The following KHDRBS2 variants were observed in gnomAD, a reference collection of about 807,000 sequenced individuals.
KHDRBS2 encodes the protein KH domain-containing, RNA-binding, signal transduction-associated protein 2.
Under a neutral mutation model 44.3 loss-of-function variants are expected in KHDRBS2, and 26 were observed. That is an observed-to-expected ratio of 0.59 (90% CI 0.43 to 0.81). The LOEUF is 0.81. KHDRBS2 is among the 40% of genes least tolerant of loss of function. KHDRBS2 has a pLI of 0.00. For missense variants in KHDRBS2, 476 were observed against 433.1 expected (o/e 1.10, Z -0.88); for synonymous variants, 194 against 151.1 (o/e 1.28, Z -2.08).
the KHDRBS2 span, among the ~76,000 whole-genome samples, chr6:61,612,793 C>T: frequency 3.3e-5 from 5 of 151,312 alleles, no homozygotes; most frequent in African/African-American, 9.7e-5. Context: ...CACCACCACA[C>T]CTCTTCTCCA....
intron 1 of KHDRBS2, among the ~76,000 whole-genome samples, chr6:62,230,984 T>G (rs970138156): frequency 7.2e-5 from 11 of 152,346 alleles, no homozygotes; most frequent in African/African-American, 2.6e-4. Context: ...GGTTAAGTAC[T>G]AAGTTTGAAC....
At chr6:61,668,534 TG>T in the KHDRBS2 span, among the ~76,000 whole-genome samples, 1 of 151,092 alleles carries the variant, frequency 6.6e-6, no homozygotes, top group Non-Finnish European at 1.5e-5. Context: ...CTTTTTTCAC[TG>T]TAAAGGGAAT....
At chr6:61,894,568 T>G in intron 6 of KHDRBS2, 67 bp downstream of exon 6, 1 of 1,298,506 alleles carries the variant, frequency 7.7e-7, no homozygotes, top group South Asian at 1.2e-5. Context: ...TATGAACAGT[T>G]TGAGACGTAG....
At chr6:61,742,822 A>T (rs1171753437) in intron 6 of KHDRBS2, among the ~76,000 whole-genome samples, 1 of 152,090 alleles carries the variant, frequency 6.6e-6, no homozygotes, top group Non-Finnish European at 1.5e-5. Context: ...TTCTATAGAA[A>T]TCAGTAAATC....
At chr6:61,943,106 G>GA (rs1309805186) in intron 4 of KHDRBS2, among the ~76,000 whole-genome samples, 2 of 134,882 alleles carry the variant, frequency 1.5e-5, no homozygotes, top group Non-Finnish European at 3.3e-5. Flanking sequence ...AAGGAAGAAA[G>GA]AAAGAAAAGA....
At chr6:61,558,018 TTTCTC>T in the KHDRBS2 span, among the ~76,000 whole-genome samples, 4 of 152,290 alleles carry the variant, frequency 2.6e-5, no homozygotes, top group South Asian at 6.2e-4. Context: ...GTTTGGGTCT[TTTCTC>T]TTTCTTAGTC....
At chr6:61,891,695 C>T (rs1460712219) in intron 6 of KHDRBS2, among the ~76,000 whole-genome samples, 1 of 152,164 alleles carries the variant, frequency 6.6e-6, no homozygotes, top group Non-Finnish European at 1.5e-5. Context: ...TGACAAAATT[C>T]AACAACACTT....
chr6:62,007,819 CTATGA>C (rs1405371288), intron 3 of KHDRBS2, among the ~76,000 whole-genome samples: 1 of 151,996 alleles, frequency 6.6e-6, no homozygotes, highest in African/African-American at 2.4e-5. Context: ...GTCTTCATAT[CTATGA>C]TATATTTATA....
intron 4 of KHDRBS2, among the ~76,000 whole-genome samples, chr6:61,964,708 T>G (rs1366705911): frequency 6.6e-6 from 1 of 152,068 alleles, no homozygotes; most frequent in East Asian, 1.9e-4. Flanking sequence ...AATTGAGGAA[T>G]CATTGTCTTG....
intron 7 of KHDRBS2, among the ~76,000 whole-genome samples, chr6:61,699,470 A>G (rs879034503): frequency 6.6e-6 from 1 of 152,026 alleles, no homozygotes; most frequent in Non-Finnish European, 1.5e-5. Flanking sequence ...CATTTTAACT[A>G]TATAAAAGTG....
chr6:61,651,251 G>A, the KHDRBS2 span, among the ~76,000 whole-genome samples: 1 of 152,002 alleles, frequency 6.6e-6, no homozygotes, highest in African/African-American at 2.4e-5. Flanking sequence ...GAATAGAGAT[G>A]TTTTGGATTT....
intron 6 of KHDRBS2, among the ~76,000 whole-genome samples, chr6:61,802,237 C>G (rs543837052): frequency 6.6e-6 from 1 of 152,228 alleles, no homozygotes; most frequent in South Asian, 2.1e-4. Flanking sequence ...TTGTGAAACC[C>G]TAACAGAAAA....
chr6:62,160,148 A>G (rs935268587), intron 2 of KHDRBS2, among the ~76,000 whole-genome samples: 1 of 152,168 alleles, frequency 6.6e-6, no homozygotes, highest in East Asian at 1.9e-4. Flanking sequence ...AGACCATAAT[A>G]TAACAAACAA....
intron 1 of KHDRBS2, among the ~76,000 whole-genome samples, chr6:62,191,144 T>C (rs1486629330): frequency 6.6e-6 from 1 of 152,168 alleles, no homozygotes; most frequent in African/African-American, 2.4e-5. Context: ...TGAATGAGTG[T>C]CACTACCCTG....
chr6:61,885,494 T>G (rs1170336004), intron 6 of KHDRBS2, among the ~76,000 whole-genome samples: 1 of 152,156 alleles, frequency 6.6e-6, no homozygotes, highest in Non-Finnish European at 1.5e-5. Context: ...CACAATGGAA[T>G]AGCAGTAAAA....
chr6:62,272,538 T>C (rs1468464009), intron 1 of KHDRBS2, among the ~76,000 whole-genome samples: 4 of 152,150 alleles, frequency 2.6e-5, no homozygotes, highest in Non-Finnish European at 5.9e-5. Flanking sequence ...AGGCATTCCA[T>C]CTCATGCTCA....
intron 3 of KHDRBS2, among the ~76,000 whole-genome samples, chr6:62,041,199 C>T (rs1390150714): frequency 7.2e-5 from 11 of 151,854 alleles, no homozygotes; most frequent in African/African-American, 1.7e-4. Flanking sequence ...GGCATGGTGG[C>T]GGGCGCCTGT....
chr6:62,182,881 A>G (rs924421874), intron 1 of KHDRBS2, among the ~76,000 whole-genome samples: 1 of 151,770 alleles, frequency 6.6e-6, no homozygotes, highest in Non-Finnish European at 1.5e-5. Flanking sequence ...ATTATTTAAT[A>G]CTCTTTCTGA....
chr6:62,090,680 T>C (rs1799335168), intron 2 of KHDRBS2, among the ~76,000 whole-genome samples: 1 of 152,150 alleles, frequency 6.6e-6, no homozygotes, highest in Non-Finnish European at 1.5e-5. Context: ...GGTACTGTTT[T>C]TATTATCCAA....
Sources: gnomAD v4.1 joint callset for allele counts (sites outside exome capture counted in the v4.1 genomes callset) on GRCh38, gnomAD v4.1.1 for gene constraint, MANE v1.5 for transcripts, NCBI Gene and HGNC (gene_info 2026-07-23, HGNC 2026-07-21) for gene names.